The following RRM2B variants were observed in gnomAD, a reference collection of about 807,000 sequenced individuals.
The protein encoded by RRM2B is ribonucleotide reductase regulatory TP53 inducible subunit M2B, also known as ribonucleoside-diphosphate reductase subunit M2 B.
RRM2B carries 20 observed loss-of-function variants against 45.9 expected under a neutral mutation model. That is an observed-to-expected ratio of 0.44 (90% CI 0.31 to 0.63). RRM2B has a LOEUF of 0.63. RRM2B is among the 30% of genes least tolerant of loss of function. The pLI is 0.09. For missense variants in RRM2B, 320 were observed against 414.7 expected, an observed-to-expected ratio of 0.77 and a Z score of 1.98; for synonymous variants, 124 against 132.3, an observed-to-expected ratio of 0.94 and a Z score of 0.43.
At chr8:102,216,645 G>A (rs1810735935) in intron 6 of RRM2B, among the ~76,000 whole-genome samples, 1 of 151,888 alleles carries the variant, frequency 6.6e-6, no homozygotes, top group Admixed American at 6.6e-5. Flanking sequence ...AATAGTGAGA[G>A]CACTCAGAGT....
chr8:102,219,071 G>T, intron 5 of RRM2B, 124 bp from the exon 6 acceptor site: 1 of 1,042,416 alleles, frequency 9.6e-7, no homozygotes, highest in Non-Finnish European at 1.4e-6. Context: ...ACAAGTTAGT[G>T]CCATGGCCAA....
Position 102,232,234 on chromosome 8 carries a change from C to T in RRM2B, c.119G>A (p.Arg40His), listed in dbSNP as rs765953819. 3.7e-5 allele frequency: 60 copies of T among 1,613,906 alleles called. No individual in the cohort carries two copies. In the South Asian group the frequency reaches 6.4e-4, roughly 17 times the overall value. The change falls in exon 2 of 9, where the codon CGC (arginine) becomes CAC (histidine). Residue 40 changes from arginine (R) to histidine (H), a missense_variant. Around this residue, in one of 3 missense-constraint regions of RRM2B, gnomAD observed 225 missense variants for 289.4 expected, o/e 0.78. Coordinates refer to ENST00000251810, the MANE Select transcript of RRM2B (RefSeq NM_015713.5). ...CTGGATTGGAAAGATGACAAACCGGCGAGAACTCTTTCTTAGGAGTGGCTC... is the reference window on the plus strand; with the variant it reads ...CTGGATTGGAAAGATGACAAACCGGTGAGAACTCTTTCTTAGGAGTGGCTC... ...NEEPLLRKSSRRFVIFPIQYP... is the reference protein window; with the variant it reads ...NEEPLLRKSSHRFVIFPIQYP...
intron 1 of RRM2B, chr8:102,238,583 G>T (rs183719190): frequency 1.3e-6 from 2 of 1,525,536 alleles, no homozygotes; most frequent in East Asian, 5.0e-5. Context: ...TCCAAGCGTC[G>T]TCCTTGGCTG....
intron 2 of RRM2B, among the ~76,000 whole-genome samples, chr8:102,230,240 T>C (rs1563666787): frequency 1.3e-5 from 2 of 152,212 alleles, no homozygotes; most frequent in Admixed American, 6.5e-5. Flanking sequence ...AATTTGTAAA[T>C]GAAAAATATG....
intron 6 of RRM2B, chr8:102,214,387 A>T: frequency 2.0e-6 from 1 of 512,196 alleles, no homozygotes; most frequent in Non-Finnish European, 3.6e-6. Flanking sequence ...GTTCATCAAC[A>T]TTATAGAAAA....
In RRM2B at chr8:102,232,266, T is replaced by C; in HGVS notation, c.87A>G (p.Ser29=). 1 of 1,614,226 alleles carries C rather than the reference T, an allele frequency of 6.2e-7. No homozygotes were observed. Among genetic ancestry groups the C allele is most frequent in the Non-Finnish European group, 8.5e-7 (1 of 1,180,026 alleles). The change falls in exon 2 of 9, where the codon TCA becomes TCG. Residue 29 remains serine, a synonymous_variant. Transcript: ENST00000251810. ...SSDTNESEIK[S]NEEPLLRKSS... ...TCTTTCTTAGGAGTGGCTCTTCATT[T>C]GACTTTATTTCACTTTCGTTGGTGT...
intron 8 of RRM2B, among the ~76,000 whole-genome samples, chr8:102,211,004 CAGAGAGAGAGAG>C (rs147839097): frequency 6.7e-6 from 1 of 148,260 alleles, no homozygotes; most frequent in African/African-American, 2.5e-5. Flanking sequence ...CATGTATATG[CAGAGAGAGAGAG>C]AGAGAGAGCG....
At position 102,232,196 on chromosome 8, in the gene RRM2B, A is replaced by G. The variant is rs1811042841; in HGVS notation, c.157T>C (p.Trp53Arg). 1 of 1,614,226 alleles carries G rather than the reference A, an allele frequency of 6.2e-7. No individual in the cohort carries two copies. Among genetic ancestry groups the G allele is most frequent in the Non-Finnish European group, 8.5e-7 (1 of 1,180,026 alleles). The change falls in exon 2 of 9, where the codon TGG (tryptophan) becomes CGG (arginine). Residue 53 changes from tryptophan to arginine, a missense_variant. Trp to Arg is a moderately radical substitution (Grantham distance 101). This residue lies in a region of RRM2B where 225 missense variants were observed against 289.4 expected (regional missense o/e 0.78). Transcript: ENST00000251810. ...GCCTGTGCCTGTTTATACATTTTCC[A>G]AATATCAGGGTACTGGATTGGAAAG... ...VIFPIQYPDI[W>R]KMYKQAQASF...
In RRM2B at chr8:102,206,125, C is replaced by G. The variant is rs1160465550; in HGVS notation, c.*2008G>C. The G allele has an allele frequency of 6.6e-6, 1 of 151,738 alleles. No homozygotes were observed. The highest frequency in any genetic ancestry group is 6.6e-5 in the Admixed American group (1 of 15,250). 9.4% of individuals were successfully genotyped at this position (151,738 alleles called of 1,614,324 possible). ...ACCTGAATACAGTTCAAATGTCTCT[C>G]TATATTTTGATACTTTAATATATAT... On this transcript the variant is annotated 3_prime_UTR_variant, in exon 9 of 9. Transcript: ENST00000251810.
intron 5 of RRM2B, among the ~76,000 whole-genome samples, chr8:102,221,636 G>A (rs1250852729): frequency 1.3e-5 from 2 of 152,078 alleles, no homozygotes; most frequent in Admixed American, 6.6e-5. Context: ...TCTTTCCTCT[G>A]AGACCCTATA....
intron 3 of RRM2B, 41 bp from the exon 4 acceptor site, chr8:102,225,059 C>T: frequency 6.2e-7 from 1 of 1,609,346 alleles, no homozygotes; most frequent in South Asian, 1.1e-5. Flanking sequence ...GTTCTATAGG[C>T]TCTCATTAAA....
At chr8:102,219,768 G>A (rs922530775) in intron 5 of RRM2B, among the ~76,000 whole-genome samples, 2 of 152,138 alleles carry the variant, frequency 1.3e-5, no homozygotes, top group African/African-American at 2.4e-5. Context: ...TCTATAAGAC[G>A]GTGAGATACA....
chr8:102,220,417 G>T (rs1416986749), intron 5 of RRM2B, among the ~76,000 whole-genome samples: 1 of 152,104 alleles, frequency 6.6e-6, no homozygotes, highest in East Asian at 1.9e-4. Flanking sequence ...ATACAAACGT[G>T]AATAAAAGAA....
intron 8 of RRM2B, among the ~76,000 whole-genome samples, chr8:102,211,197 T>C (rs1254210463): frequency 6.6e-6 from 1 of 152,218 alleles, no homozygotes; most frequent in Admixed American, 6.5e-5. Context: ...GATTTCGCCA[T>C]GTTGCCTAGG....
Position 102,238,898 on chromosome 8 carries a change from G to T in RRM2B, c.-24C>A, listed in dbSNP as rs759180067. 6 of 1,607,570 alleles carry T rather than the reference G, an allele frequency of 3.7e-6. No homozygotes were observed. In the South Asian group the frequency reaches 4.4e-5, roughly 12 times the overall value. On this transcript the variant is annotated 5_prime_UTR_variant, in exon 1 of 9. Transcript: ENST00000251810. ...ATCGCGCAGACTCCGCCGAAGCTAC[G>T]GGCGCTGAGGGAACTGAGCTCCTCA...
chr8:102,218,986 T>C, intron 5 of RRM2B, 39 bp from the exon 6 acceptor site: 2 of 1,576,874 alleles, frequency 1.3e-6, no homozygotes, highest in African/African-American at 1.3e-5. Flanking sequence ...TGAAATATAC[T>C]GCAAACATTT....
At chr8:102,214,233 G>T in intron 6 of RRM2B, 75 bp from the exon 7 acceptor site, 1 of 981,996 alleles carries the variant, frequency 1.0e-6, no homozygotes, top group Non-Finnish European at 1.6e-6. Flanking sequence ...GTCAAGCATT[G>T]TATAAAGTGG....
intron 2 of RRM2B, among the ~76,000 whole-genome samples, chr8:102,230,186 G>T (rs1221283354): frequency 6.6e-6 from 1 of 152,150 alleles, no homozygotes; most frequent in Admixed American, 6.5e-5. Flanking sequence ...CCATATTTAA[G>T]AATTAAGCTC....
intron 8 of RRM2B, among the ~76,000 whole-genome samples, chr8:102,210,264 C>T (rs1449914548): frequency 1.3e-5 from 2 of 151,990 alleles, no homozygotes; most frequent in Non-Finnish European, 2.9e-5. Flanking sequence ...AATTCTCCAT[C>T]AGAAATTGTG....
Sources: gnomAD v4.1 joint callset for allele counts (sites outside exome capture counted in the v4.1 genomes callset) on GRCh38, gnomAD v4.1.1 for gene constraint, gnomAD v4.1.1 regional missense constraint, MANE v1.5 for transcripts, NCBI Gene and HGNC (gene_info 2026-07-23, HGNC 2026-07-21) for gene names.